Variants in SLC22A9 observed in about 807,000 individuals in gnomAD.
SLC22A9 encodes the protein solute carrier family 22 member 9.
A neutral mutation model predicts 50.1 loss-of-function variants in SLC22A9; 64 were observed. The observed-to-expected ratio is 1.28, with a 90% CI of 1.04 to 1.57. SLC22A9 has a LOEUF of 1.57. SLC22A9 is among the 40% of genes most tolerant of loss of function. The pLI is 0.00. For synonymous variants in SLC22A9, 261 were observed against 242.5 expected (o/e 1.08, Z -0.71); for missense variants, 757 against 676.1 (o/e 1.12, Z -1.33).
chr11:63,402,743 G>T (rs960111945), intron 6 of SLC22A9, among the ~76,000 whole-genome samples: 1 of 151,900 alleles, frequency 6.6e-6, no homozygotes, highest in African/African-American at 2.4e-5. Context: ...ATCAGAACTT[G>T]AACACTAATC....
At position 63,374,098 on chromosome 11, in the gene SLC22A9, A is replaced by T. The variant is rs772753077; in HGVS notation, c.830+36A>T. The T allele has an allele frequency of 3.6e-5, 56 of 1,563,158 alleles. 1 individual carries two copies. The Admixed American group carries it at 8.5e-4, about 24-fold the overall frequency. ...GTTTCTTCTTTTGTCTTAATGAGAT[A>T]TTGGAATGAGAATGTATGTGGAACT... is the stretch of plus-strand genomic sequence containing the variant. On this transcript the variant is annotated intron_variant, in intron 4 of 9. Transcript: ENST00000279178.
At chr11:63,392,375 C>T (rs1366380262) in intron 6 of SLC22A9, among the ~76,000 whole-genome samples, 1 of 152,052 alleles carries the variant, frequency 6.6e-6, no homozygotes, top group Non-Finnish European at 1.5e-5. Context: ...GAAGAAATCT[C>T]TTTGACATTT....
chr11:63,379,875 G>T (rs1038333254), intron 5 of SLC22A9, among the ~76,000 whole-genome samples: 2 of 152,124 alleles, frequency 1.3e-5, no homozygotes, highest in African/African-American at 4.8e-5. Context: ...GGGATTACAG[G>T]CTTGAGACAT....
At chr11:63,375,378 T>A (rs962966403) in intron 4 of SLC22A9, among the ~76,000 whole-genome samples, 3 of 152,104 alleles carry the variant, frequency 2.0e-5, no homozygotes, top group Non-Finnish European at 2.9e-5. Flanking sequence ...CATGCTGCAG[T>A]GTCAGGAGCT....
chr11:63,398,943 C>A (rs1240764137), intron 6 of SLC22A9, among the ~76,000 whole-genome samples: 1 of 152,162 alleles, frequency 6.6e-6, no homozygotes, highest in East Asian at 1.9e-4. Context: ...TTCAAAGAAA[C>A]TTTCTACTTC....
intron 6 of SLC22A9, among the ~76,000 whole-genome samples, chr11:63,403,651 C>G (rs1203277717): frequency 1.3e-5 from 2 of 151,960 alleles, no homozygotes; most frequent in African/African-American, 4.8e-5. Flanking sequence ...CTCACCACTT[C>G]TATTCAATAT....
At position 63,373,806 on chromosome 11, in the gene SLC22A9, A is replaced by G. The variant is rs1053997722; in HGVS notation, c.661+8A>G. 5 of 1,606,180 alleles carry G rather than the reference A, an allele frequency of 3.1e-6. No individual in the cohort carries two copies. The highest frequency in any genetic ancestry group is 4.3e-6 in the Non-Finnish European group (5 of 1,175,802). ...CAAATACTATTATGTTAAGTAAGCCAACACTTTGGATCCACATTTTCCAAA... is the reference window on the plus strand; with the variant it reads ...CAAATACTATTATGTTAAGTAAGCCGACACTTTGGATCCACATTTTCCAAA... On this transcript the variant is annotated splice_region_variant and intron_variant, in intron 3 of 9. Transcript: ENST00000279178.
intron 6 of SLC22A9, among the ~76,000 whole-genome samples, chr11:63,386,855 G>C (rs770755624): frequency 2.1e-4 from 31 of 150,462 alleles, no homozygotes; most frequent in Admixed American, 9.9e-4. Context: ...TTTGTTTTTT[G>C]TTTTGTTTTG....
chr11:63,381,564 A>C (rs1160769325), intron 5 of SLC22A9, among the ~76,000 whole-genome samples: 1 of 152,068 alleles, frequency 6.6e-6, no homozygotes, highest in Non-Finnish European at 1.5e-5. Context: ...CAAGTAACTC[A>C]GTTCTTTATG....
rs760376651 is a variant in SLC22A9, at chr11:63,406,757, T to C, written c.1288+46T>C. Reference sequence around the variant, plus strand: ...GAAGAGAGAAATGCCTTTGCCTCTTTTCTCAGGGATTGTACTTGTCACACC... The same window carrying C: ...GAAGAGAGAAATGCCTTTGCCTCTTCTCTCAGGGATTGTACTTGTCACACC... On this transcript the variant is annotated intron_variant, in intron 7 of 9. Transcript: ENST00000279178. 3 of 1,579,970 alleles carry C rather than the reference T, an allele frequency of 1.9e-6. No homozygotes were observed. The South Asian group carries it at 3.4e-5, about 18-fold the overall frequency.
intron 6 of SLC22A9, among the ~76,000 whole-genome samples, chr11:63,396,224 C>A (rs2014853608): frequency 6.6e-6 from 1 of 152,188 alleles, no homozygotes; most frequent in Non-Finnish European, 1.5e-5. Flanking sequence ...GGCCAGGAGG[C>A]TTCACATCCA....
rs760535828 is a variant in SLC22A9 at position 63,408,658 on chromosome 11, T to C, written c.1398-18T>C. On this transcript the variant is annotated intron_variant, in intron 8 of 9. Transcript: ENST00000279178. Reference sequence around the variant, plus strand: ...GGATTTTTAACAGATATTCTTGTATTGCTGTTTCCACTCAAAGGGCAAGAG... The same window carrying C: ...GGATTTTTAACAGATATTCTTGTATCGCTGTTTCCACTCAAAGGGCAAGAG... 8.1e-6 allele frequency: 13 copies of C among 1,598,582 alleles called. No individual in the cohort carries two copies. The African/African-American group carries it at 1.5e-4, about 18-fold the overall frequency.
At chr11:63,372,585 G>A (rs746451369) in intron 2 of SLC22A9, among the ~76,000 whole-genome samples, 2 of 151,984 alleles carry the variant, frequency 1.3e-5, no homozygotes, top group African/African-American at 2.4e-5. Context: ...TATTGGAATT[G>A]CATTAAATCT....
chr11:63,372,703 A>T (rs2014383868), intron 2 of SLC22A9, among the ~76,000 whole-genome samples: 1 of 152,066 alleles, frequency 6.6e-6, no homozygotes. Context: ...TTCCCTTTGC[A>T]ATATTTTATA....
chr11:63,386,748 AT>A (rs2014676205), intron 6 of SLC22A9, among the ~76,000 whole-genome samples: 1 of 151,490 alleles, frequency 6.6e-6, no homozygotes, highest in Non-Finnish European at 1.5e-5. Flanking sequence ...CAGTCTATAT[AT>A]TTTATTAATT....
At chr11:63,396,616 G>T (rs960133467) in intron 6 of SLC22A9, among the ~76,000 whole-genome samples, 5 of 152,118 alleles carry the variant, frequency 3.3e-5, no homozygotes, top group South Asian at 2.1e-4. Flanking sequence ...ATCCCGTTTT[G>T]TTTCTGCAGT....
At chr11:63,406,753 T>C in intron 7 of SLC22A9, 42 bp downstream of exon 7, 1 of 1,590,480 alleles carries the variant, frequency 6.3e-7, no homozygotes, top group East Asian at 2.3e-5. Context: ...TGCCTTTGCC[T>C]CTTTTCTCAG....
At chr11:63,381,675 A>G (rs949755894) in intron 5 of SLC22A9, among the ~76,000 whole-genome samples, 1 of 152,020 alleles carries the variant, frequency 6.6e-6, no homozygotes, top group African/African-American at 2.4e-5. Context: ...TCCTTCCCCA[A>G]CCTTCAGTAT....
At chr11:63,393,501 C>G (rs192888517) in intron 6 of SLC22A9, among the ~76,000 whole-genome samples, 5 of 152,122 alleles carry the variant, frequency 3.3e-5, no homozygotes, top group Non-Finnish European at 7.4e-5. Context: ...TTGTCTTGTT[C>G]CAGTTCTCAG....
Sources: allele counts gnomAD v4.1 joint callset (sites outside exome capture counted in the v4.1 genomes callset), GRCh38; gene constraint gnomAD v4.1.1; transcripts MANE v1.5; gene names NCBI Gene and HGNC (gene_info 2026-07-23, HGNC 2026-07-21).